SMC5: variants seen among roughly 807,000 people sequenced by gnomAD.
The protein encoded by SMC5 is structural maintenance of chromosomes protein 5.
A neutral mutation model predicts 148.3 loss-of-function variants in SMC5; 88 were observed. That is an observed-to-expected ratio of 0.59 (90% CI 0.50 to 0.71). The LOEUF is 0.71. SMC5 is among the 30% of genes least tolerant of loss of function. The pLI, the probability that SMC5 is intolerant of heterozygous loss-of-function variation, is 0.00. For missense variants in SMC5, 1,142 were observed against 1,298.9 expected, an observed-to-expected ratio of 0.88 and a Z score of 1.86; for synonymous variants, 421 against 432.8, an observed-to-expected ratio of 0.97 and a Z score of 0.34.
At chr9:70,293,906 G>A (rs1386963500) in intron 8 of SMC5, among the ~76,000 whole-genome samples, 3 of 152,116 alleles carry the variant, frequency 2.0e-5, no homozygotes, top group African/African-American at 7.2e-5. Context: ...TAAATTAATT[G>A]TAATTAATAA....
At chr9:70,311,641 A>T (rs2035660029) in intron 11 of SMC5, 1 of 151,898 alleles carries the variant, frequency 6.6e-6, no homozygotes, top group Non-Finnish European at 1.5e-5. Flanking sequence ...GGGGGGTTGT[A>T]TACCAACTTT....
chr9:70,324,099 G>A lies in SMC5; in HGVS notation c.2353G>A (p.Glu785Lys). 6.2e-7 allele frequency: 1 copy of A among 1,600,132 alleles called. No homozygotes were observed. Among genetic ancestry groups the A allele is most frequent in the Non-Finnish European group, 8.5e-7 (1 of 1,177,492 alleles). Residue 785 changes from glutamate (E) to lysine (K), a missense_variant, in exon 17 of 25, where the codon GAA becomes AAA. By Grantham distance (56) the Glu-to-Lys change is moderately conservative (BLOSUM62 1). Transcript: ENST00000361138. Reference sequence around the variant, plus strand: ...AGTGATCTCTGAGAAGAACAAATTAGAATCAGATTATATGGCCGCATCTTC... The same window carrying A: ...AGTGATCTCTGAGAAGAACAAATTAAAATCAGATTATATGGCCGCATCTTC... ...TTVISEKNKL[E>K]SDYMAASSQL...
At chr9:70,297,924 A>C in intron 8 of SMC5, 42 bp from the exon 9 acceptor site, 4 of 1,575,866 alleles carry the variant, frequency 2.5e-6, no homozygotes, top group Non-Finnish European at 3.4e-6. Flanking sequence ...ATAAACCAAG[A>C]GGAAAACAGT....
At chr9:70,307,269 A>C (rs2035529245) in intron 11 of SMC5, among the ~76,000 whole-genome samples, 1 of 151,316 alleles carries the variant, frequency 6.6e-6, no homozygotes, top group Non-Finnish European at 1.5e-5. Context: ...GGTGTGCACT[A>C]TTTTTTCTCT....
At chr9:70,278,408 C>T in intron 4 of SMC5, 83 bp from the exon 5 acceptor site, 1 of 1,329,136 alleles carries the variant, frequency 7.5e-7, no homozygotes, top group Non-Finnish European at 1.0e-6. Context: ...TTCACCTTGA[C>T]AAGTGTAAGC....
chr9:70,293,820 T>C (rs939951676), intron 8 of SMC5, among the ~76,000 whole-genome samples: 1 of 152,216 alleles, frequency 6.6e-6, no homozygotes, highest in Middle Eastern at 3.2e-3. Flanking sequence ...TTCTCTTGGA[T>C]AATTTCCTAG....
At chr9:70,350,036 A>G (rs796888669) in intron 22 of SMC5, 78 bp from the exon 23 acceptor site, 6 of 1,032,636 alleles carry the variant, frequency 5.8e-6, no homozygotes, top group Non-Finnish European at 8.2e-6. Context: ...TTACTCAGTT[A>G]ATTCAATCCA....
intron 3 of SMC5, among the ~76,000 whole-genome samples, chr9:70,275,670 T>C (rs1252845985): frequency 6.6e-6 from 1 of 152,196 alleles, no homozygotes; most frequent in Non-Finnish European, 1.5e-5. Context: ...TTGATAGTAA[T>C]CATTCTCTTT....
intron 11 of SMC5, among the ~76,000 whole-genome samples, chr9:70,309,583 A>G (rs1340087536): frequency 1.3e-5 from 2 of 151,958 alleles, no homozygotes; most frequent in South Asian, 2.1e-4. Flanking sequence ...CATCTCAAGA[A>G]ACCATTTTCT....
chr9:70,352,163 A>G, intron 24 of SMC5, 28 bp from the exon 25 acceptor site: 1 of 1,581,960 alleles, frequency 6.3e-7, no homozygotes. Context: ...TATATAGCTT[A>G]TATGACAATT....
chr9:70,345,443 A>G (rs938004489), intron 18 of SMC5, among the ~76,000 whole-genome samples: 2 of 152,080 alleles, frequency 1.3e-5, no homozygotes, highest in Admixed American at 1.3e-4. Flanking sequence ...AGATGGAGTG[A>G]CATGGATGGG....
In SMC5 at chr9:70,350,123, G is replaced by C; in HGVS notation, c.2899G>C (p.Asp967His). Residue 967 changes from aspartate to histidine, a missense_variant, in exon 23 of 25, where the codon GAT (aspartate) becomes CAT (histidine). Coordinates refer to ENST00000361138, the MANE Select transcript of SMC5 (RefSeq NM_015110.4). ...DLHTENEEDY[D>H]KYGIRIRVKF... ...TTTAAATGTTTTATAGGAAGATTAT[G>C]ATAAATATGGAATTCGAATTAGAGT... 1 of 1,599,790 alleles carries C rather than the reference G, an allele frequency of 6.3e-7. No homozygotes were observed. The highest frequency in any genetic ancestry group is 8.5e-7 in the Non-Finnish European group (1 of 1,172,514).
rs60673535 is a variant in SMC5, at chr9:70,354,212, GTTTT to G, written c.*1885_*1888del. ...ATAGTCTCAGCCACTTAAAACAAAA[GTTTT>G]TTTGTTTGTTTGTTTGTTTGTTTTT... is the stretch of plus-strand genomic sequence containing the variant. On this transcript the variant is annotated 3_prime_UTR_variant, in exon 25 of 25. Coordinates refer to ENST00000361138, the MANE Select transcript of SMC5 (RefSeq NM_015110.4). 2.0e-5 allele frequency: 3 copies of G among 152,306 alleles called. No homozygotes were observed. The highest frequency in any genetic ancestry group is 2.9e-5 in the Non-Finnish European group (2 of 68,256). The allele number at this position is 152,306 out of a possible 1,614,324, so 9.4% of individuals were successfully genotyped here.
intron 17 of SMC5, among the ~76,000 whole-genome samples, chr9:70,334,129 GTTT>G (rs75387148): frequency 2.2e-5 from 3 of 133,982 alleles, no homozygotes; most frequent in African/African-American, 2.7e-5. Context: ...AGTTGTTGTT[GTTT>G]TTTTTTTTTT....
chr9:70,275,787 C>T (rs1056583182), intron 3 of SMC5, among the ~76,000 whole-genome samples: 2 of 152,054 alleles, frequency 1.3e-5, no homozygotes, highest in Non-Finnish European at 2.9e-5. Context: ...TAATGACACT[C>T]TTAAACCTAC....
chr9:70,285,902 G>A (rs910625474), intron 7 of SMC5, among the ~76,000 whole-genome samples: 1 of 152,062 alleles, frequency 6.6e-6, no homozygotes, highest in Non-Finnish European at 1.5e-5. Context: ...CTACCAGTCA[G>A]TAATATTTGT....
intron 2 of SMC5, among the ~76,000 whole-genome samples, chr9:70,267,629 T>C (rs185874990): frequency 1.1e-4 from 16 of 152,298 alleles, no homozygotes; most frequent in African/African-American, 3.8e-4. Context: ...CAAGATTTCC[T>C]GGGTTCAGAT....
intron 8 of SMC5, among the ~76,000 whole-genome samples, chr9:70,296,686 G>C (rs554322860): frequency 1.3e-5 from 2 of 152,086 alleles, no homozygotes; most frequent in Non-Finnish European, 2.9e-5. Context: ...ATCTGACTTG[G>C]AAATAAAGCT....
Position 70,323,575 on chromosome 9 carries a change from A to T in SMC5, c.2243A>T (p.Lys748Ile), listed in dbSNP as rs2036002204. The part of the protein sequence containing the change: ...KIKEINVQKA[K>I]LVTELTNLIK... ...AAAGAAATAAATGTTCAAAAAGCGAAACTTGTTACCGAATTAACAAACCTA... is the reference window on the plus strand; with the variant it reads ...AAAGAAATAAATGTTCAAAAAGCGATACTTGTTACCGAATTAACAAACCTA... The change falls in exon 16 of 25, where the codon AAA becomes ATA. Residue 748 changes from lysine (K) to isoleucine (I), a missense_variant. Transcript: ENST00000361138. The T allele has an allele frequency of 6.2e-7, 1 of 1,612,296 alleles. No homozygotes were observed. Among genetic ancestry groups the T allele is most frequent in the Non-Finnish European group, 8.5e-7 (1 of 1,179,362 alleles).
Sources: allele counts gnomAD v4.1 joint callset (sites outside exome capture counted in the v4.1 genomes callset), GRCh38; gene constraint gnomAD v4.1.1; transcripts MANE v1.5; gene names NCBI Gene and HGNC (gene_info 2026-07-23, HGNC 2026-07-21).